TSLP: variants seen among roughly 807,000 people sequenced by gnomAD.
The protein encoded by TSLP is thymic stroma-derived lymphopoietin.
A neutral mutation model predicts 12.4 loss-of-function variants in TSLP; 12 were observed. The observed-to-expected ratio is 0.97, with a 90% CI of 0.62 to 1.57. The LOEUF (loss-of-function observed/expected upper bound fraction) is 1.57. Ranked by LOEUF, TSLP falls within the 40% of genes most tolerant of loss-of-function variation. The pLI is 0.00. For missense variants in TSLP, 222 were observed against 189.6 expected, an observed-to-expected ratio of 1.17 and a Z score of -1.00; for synonymous variants, 97 against 69.5, an observed-to-expected ratio of 1.40 and a Z score of -1.97.
chr5:111,071,712 C>T (rs1752341655), upstream of TSLP: 2 of 1,199,016 alleles, frequency 1.7e-6, no homozygotes, highest in African/African-American at 1.5e-5. Flanking sequence ...AGCTCTGGAG[C>T]ATCAGGGAGA....
intron 3 of TSLP, among the ~76,000 whole-genome samples, chr5:111,075,200 T>C (rs1752464682): frequency 6.6e-6 from 1 of 152,220 alleles, no homozygotes; most frequent in Non-Finnish European, 1.5e-5. Flanking sequence ...AGTCTAAGAC[T>C]AATAATAATG....
At chr5:111,073,021 A>G (rs1752383999) in intron 2 of TSLP, 89 bp downstream of exon 2, 3 of 1,500,074 alleles carry the variant, frequency 2.0e-6, no homozygotes, top group South Asian at 2.3e-5. Flanking sequence ...CAGAACTCCG[A>G]GAGGTGCCTG....
At chr5:111,074,221 C>T (rs185710097) in intron 3 of TSLP, among the ~76,000 whole-genome samples, 4 of 152,180 alleles carry the variant, frequency 2.6e-5, no homozygotes, top group Non-Finnish European at 5.9e-5. Flanking sequence ...TTTGAATGCT[C>T]GTGTAGCATT....
rs1223646863 is a variant in TSLP at position 111,072,080 on chromosome 5, T to C, written c.171+19T>C. ...GAGTGGGGTAAGTGAAGAAGCTTTT[T>C]TAAAACAAATGTATTTTCATCAGAG... On this transcript the variant is annotated intron_variant, in intron 1 of 3. Coordinates refer to ENST00000344895, the MANE Select transcript of TSLP (RefSeq NM_033035.5). 6.3e-7 allele frequency: 1 copy of C among 1,592,548 alleles called. No homozygotes were observed. The highest frequency in any genetic ancestry group is 1.7e-5 in the Admixed American group (1 of 59,362).
upstream of TSLP, chr5:111,070,934 T>A (rs1184510583): frequency 1.3e-5 from 2 of 152,706 alleles, no homozygotes; most frequent in Non-Finnish European, 2.9e-5. Flanking sequence ...GTCGCTGGCC[T>A]TAAGAGTGGG....
At chr5:111,071,518 G>C, upstream of TSLP, 2 of 1,548,850 alleles carry the variant, frequency 1.3e-6, no homozygotes, top group Non-Finnish European at 1.7e-6. Flanking sequence ...AAGGAGGAAG[G>C]TGAGGGAAAT....
At chr5:111,075,744 G>T (rs1460180673) in intron 3 of TSLP, among the ~76,000 whole-genome samples, 5 of 152,294 alleles carry the variant, frequency 3.3e-5, no homozygotes, top group South Asian at 2.1e-4. Flanking sequence ...AGGAGGTGGT[G>T]CTTGGCCTTG....
chr5:111,072,835 C>T lies in TSLP; in HGVS notation c.172-53C>T, dbSNP rs201830592. 87 of 1,585,406 alleles carry T rather than the reference C, an allele frequency of 5.5e-5. No individual in the cohort carries two copies. The East Asian group carries it at 1.5e-3, about 27-fold the overall frequency. On this transcript the variant is annotated intron_variant, in intron 1 of 3. Coordinates refer to ENST00000344895, the MANE Select transcript of TSLP (RefSeq NM_033035.5). ...GAGCAAAGGGTGGAGGGATGATTTT[C>T]CTTGTGGACTTAAAAGTCTTTACCC...
upstream of TSLP, chr5:111,070,867 C>T (rs1752323894): frequency 6.6e-6 from 1 of 152,362 alleles, no homozygotes; most frequent in Non-Finnish European, 1.5e-5. Context: ...AGGACAGCAT[C>T]GTCTCCGTGC....
At chr5:111,074,627 CTT>C (rs35180980) in intron 3 of TSLP, among the ~76,000 whole-genome samples, 38 of 110,314 alleles carry the variant, frequency 3.4e-4, no homozygotes, top group South Asian at 1.6e-3. Context: ...ACGACTGTCA[CTT>C]TTTTTTTTTT....
upstream of TSLP, chr5:111,071,360 C>G: frequency 7.5e-7 from 1 of 1,334,928 alleles, no homozygotes; most frequent in Non-Finnish European, 1.0e-6. Context: ...TATGCAAGGA[C>G]TCCAAATCCT....
chr5:111,070,104 T>G (rs1445399710), upstream of TSLP: 3 of 152,122 alleles, frequency 2.0e-5, no homozygotes, highest in Non-Finnish European at 2.9e-5. Flanking sequence ...TTTCAAAGAA[T>G]GCTGTGGTGA....
In TSLP at chr5:111,076,006, C is replaced by G; in HGVS notation, c.412C>G (p.Leu138Val). 1 of 1,614,086 alleles carries G rather than the reference C, an allele frequency of 6.2e-7. No individual in the cohort carries two copies. Among genetic ancestry groups the G allele is most frequent in the Non-Finnish European group, 8.5e-7 (1 of 1,179,974 alleles). Reference protein sequence around the residue: ...RKRKVTTNKCLEQVSQLQGLW... With the variant: ...RKRKVTTNKCVEQVSQLQGLW... ...AAGGAAAGTCACAACCAATAAATGT[C>G]TGGAACAAGTGTCACAATTACAAGG... The change falls in exon 4 of 4, where the codon CTG becomes GTG. Residue 138 changes from leucine to valine, a missense_variant. Transcript: ENST00000344895.
chr5:111,073,051 CG>C, intron 2 of TSLP, 119 bp downstream of exon 2: 6 of 1,247,170 alleles, frequency 4.8e-6, no homozygotes, highest in South Asian at 1.3e-5. Flanking sequence ...ACGCCGCCGC[CG>C]GGGGAAAGGG....
intron 2 of TSLP, 182 bp from the exon 3 acceptor site, chr5:111,073,329 C>G: frequency 6.9e-7 from 1 of 1,445,596 alleles, no homozygotes; most frequent in Non-Finnish European, 9.0e-7. Context: ...CGCCACGCCC[C>G]TGCTCCCCCG....
intron 1 of TSLP, 75 bp downstream of exon 1, chr5:111,072,136 C>G: frequency 8.0e-7 from 1 of 1,257,832 alleles, no homozygotes; most frequent in South Asian, 1.7e-5. Flanking sequence ...TACAATTTAA[C>G]TTTGTAGGAA....
rs1752521006 is a variant in TSLP, at chr5:111,076,850, A to AG, written c.*779dup. On this transcript the variant is annotated 3_prime_UTR_variant, in exon 4 of 4. Transcript: ENST00000344895. The stretch of plus-strand genomic sequence containing the variant: ...GACAATTTGCACACATACTTTTCTA[A>AG]GGGACATTATCTTCCTTCAGGTTTT... 6.6e-6 allele frequency: 1 copy of AG among 152,200 alleles called. No homozygotes were observed. The highest frequency in any genetic ancestry group is 2.1e-4 in the South Asian group (1 of 4,836). 9.4% of individuals were successfully genotyped at this position (152,200 alleles called of 1,614,324 possible).
chr5:111,072,975 G>C, intron 2 of TSLP, 43 bp downstream of exon 2: 1 of 1,608,466 alleles, frequency 6.2e-7, no homozygotes, highest in Non-Finnish European at 8.5e-7. Flanking sequence ...CCAGGGAGAC[G>C]CCAGGCATTT....
At chr5:111,071,133 C>T, upstream of TSLP, 1 of 258,846 alleles carries the variant, frequency 3.9e-6, no homozygotes. Flanking sequence ...TCTTTCCCCA[C>T]TTATTTCAAC....
Sources: gnomAD v4.1 joint callset for allele counts (sites outside exome capture counted in the v4.1 genomes callset) on GRCh38, gnomAD v4.1.1 for gene constraint, MANE v1.5 for transcripts, NCBI Gene and HGNC (gene_info 2026-07-23, HGNC 2026-07-21) for gene names.